Variants in MSRA observed in about 807,000 individuals in gnomAD.
The protein encoded by MSRA is methionine sulfoxide reductase A, also known as mitochondrial peptide methionine sulfoxide reductase.
Under a neutral mutation model 31.3 loss-of-function variants are expected in MSRA, and 54 were observed. The ratio of observed to expected loss-of-function variants is 1.73; its 90% CI spans 1.39 to 2.17. The LOEUF (loss-of-function observed/expected upper bound fraction) is 2.17, where lower values mean the gene tolerates loss of function less well. MSRA is among the 30% of genes most tolerant of loss of function. The pLI, the probability that MSRA is intolerant of heterozygous loss-of-function variation, is 0.00. For synonymous variants in MSRA, 169 were observed against 116.5 expected, an observed-to-expected ratio of 1.45 and a Z score of -2.90; for missense variants, 507 against 300.9, an observed-to-expected ratio of 1.69 and a Z score of -5.07.
At chr8:10,334,447 G>A (rs1039152036) in intron 5 of MSRA, among the ~76,000 whole-genome samples, 2 of 151,970 alleles carry the variant, frequency 1.3e-5, no homozygotes, top group African/African-American at 2.4e-5. Flanking sequence ...CGGGGGGGAG[G>A]TGCAGGGACG....
At chr8:10,237,862 C>G (rs1401190048) in intron 2 of MSRA, among the ~76,000 whole-genome samples, 1 of 152,228 alleles carries the variant, frequency 6.6e-6, no homozygotes, top group Non-Finnish European at 1.5e-5. Flanking sequence ...ACCATTATCT[C>G]TCACTTGGAT....
chr8:10,241,054 T>A (rs1182781249), intron 2 of MSRA, among the ~76,000 whole-genome samples: 1 of 152,164 alleles, frequency 6.6e-6, no homozygotes, highest in Non-Finnish European at 1.5e-5. Context: ...ACTGTGGCTG[T>A]AGCCCCTTGA....
intron 3 of MSRA, among the ~76,000 whole-genome samples, chr8:10,275,990 G>A (rs927837689): frequency 1.3e-5 from 2 of 152,196 alleles, no homozygotes; most frequent in African/African-American, 4.8e-5. Context: ...CTGGTACTGG[G>A]GGTTTAAGTT....
intron 5 of MSRA, among the ~76,000 whole-genome samples, chr8:10,415,813 T>C (rs538577051): frequency 2.6e-5 from 4 of 151,738 alleles, no homozygotes; most frequent in Admixed American, 6.6e-5. Context: ...AGCATGCCCT[T>C]CACACCCTAC....
At chr8:10,295,274 C>T (rs1475809409) in intron 3 of MSRA, among the ~76,000 whole-genome samples, 4 of 152,120 alleles carry the variant, frequency 2.6e-5, no homozygotes, top group African/African-American at 9.7e-5. Flanking sequence ...AAGGCTCAAG[C>T]AGTGGACACA....
chr8:10,361,224 T>C (rs1355551711), intron 5 of MSRA, among the ~76,000 whole-genome samples: 1 of 152,210 alleles, frequency 6.6e-6, no homozygotes, highest in African/African-American at 2.4e-5. Context: ...ATAACAGGCC[T>C]TTTGAAATGC....
At chr8:10,160,981 C>G (rs1804586238) in intron 1 of MSRA, among the ~76,000 whole-genome samples, 1 of 152,120 alleles carries the variant, frequency 6.6e-6, no homozygotes, top group Non-Finnish European at 1.5e-5. Flanking sequence ...GTAATTATGC[C>G]AAATAATAAC....
intron 5 of MSRA, among the ~76,000 whole-genome samples, chr8:10,424,411 G>C (rs1411510212): frequency 1.3e-5 from 2 of 149,732 alleles, no homozygotes; most frequent in African/African-American, 4.9e-5. Flanking sequence ...ACCCGGAATG[G>C]AATAGGATCG....
intron 5 of MSRA, among the ~76,000 whole-genome samples, chr8:10,328,149 A>G (rs1329981677): frequency 7.1e-6 from 1 of 141,474 alleles, no homozygotes; most frequent in Non-Finnish European, 1.5e-5. Context: ...TCTACTTGTT[A>G]TCGCCACTTG....
At chr8:10,213,050 A>G (rs1809649324) in intron 2 of MSRA, among the ~76,000 whole-genome samples, 2 of 152,078 alleles carry the variant, frequency 1.3e-5, no homozygotes, top group South Asian at 4.2e-4. Context: ...ATCCAATTAT[A>G]CTCTTAGTTA....
intron 1 of MSRA, among the ~76,000 whole-genome samples, chr8:10,140,032 A>T (rs1802578181): frequency 6.6e-6 from 1 of 152,244 alleles, no homozygotes; most frequent in Admixed American, 6.5e-5. Flanking sequence ...TTTCTGCGAC[A>T]CGGGAGCCTT....
chr8:10,254,005 C>G (rs1798049623), intron 3 of MSRA, among the ~76,000 whole-genome samples: 1 of 152,102 alleles, frequency 6.6e-6, no homozygotes, highest in Non-Finnish European at 1.5e-5. Context: ...GAAGAGGTCA[C>G]TGTTGTTTCC....
At chr8:10,084,959 T>C (rs750833238) in intron 1 of MSRA, among the ~76,000 whole-genome samples, 12 of 152,210 alleles carry the variant, frequency 7.9e-5, no homozygotes, top group Non-Finnish European at 1.6e-4. Flanking sequence ...CCCTTTATAT[T>C]TAATACAAAA....
chr8:10,076,537 A>T (rs1040743959), intron 1 of MSRA, among the ~76,000 whole-genome samples: 1 of 152,202 alleles, frequency 6.6e-6, no homozygotes, highest in East Asian at 1.9e-4. Context: ...GATGGTCAAC[A>T]TGGGTGTGCA....
chr8:10,074,826 T>G (rs561060259), intron 1 of MSRA, among the ~76,000 whole-genome samples: 53 of 152,228 alleles, frequency 3.5e-4, no homozygotes, highest in African/African-American at 1.2e-3. Context: ...GCCTGGCTAA[T>G]TTTTAGAGAT....
intron 5 of MSRA, among the ~76,000 whole-genome samples, chr8:10,426,749 T>G (rs991745280): frequency 5.3e-5 from 8 of 152,256 alleles, no homozygotes; most frequent in Non-Finnish European, 1.0e-4. Flanking sequence ...TTCCTTCCCG[T>G]GGCTGTTGTG....
At chr8:10,213,473 C>T (rs1380410698) in intron 2 of MSRA, among the ~76,000 whole-genome samples, 2 of 145,354 alleles carry the variant, frequency 1.4e-5, no homozygotes, top group Admixed American at 1.4e-4. Context: ...GAGTCTTGCC[C>T]TCACCCAGGC....
intron 4 of MSRA, among the ~76,000 whole-genome samples, chr8:10,318,890 A>T (rs1801878572): frequency 6.6e-6 from 1 of 152,160 alleles, no homozygotes; most frequent in Non-Finnish European, 1.5e-5. Flanking sequence ...CTGCTTTTGC[A>T]AGCAGTAGCA....
At chr8:10,154,409 G>T (rs1489249263) in intron 1 of MSRA, among the ~76,000 whole-genome samples, 1 of 150,836 alleles carries the variant, frequency 6.6e-6, no homozygotes, top group South Asian at 2.1e-4. Context: ...ACTGAGTCTT[G>T]CTCTGTCGCC....
Sources: gnomAD v4.1 joint callset for allele counts (sites outside exome capture counted in the v4.1 genomes callset) on GRCh38, gnomAD v4.1.1 for gene constraint, MANE v1.5 for transcripts, NCBI Gene and HGNC (gene_info 2026-07-23, HGNC 2026-07-21) for gene names.